The following MYO5A variants were observed in gnomAD, a reference collection of about 807,000 sequenced individuals.
MYO5A encodes the protein myosin VA, also known as unconventional myosin-Va.
In MYO5A, 98 loss-of-function variants were observed where a neutral mutation model predicts 249.7. The ratio of observed to expected loss-of-function variants is 0.39; its 90% CI spans 0.33 to 0.46. MYO5A has a LOEUF of 0.46. MYO5A is among the 20% of genes least tolerant of loss of function. MYO5A has a pLI of 0.98. For missense variants in MYO5A, 1,696 were observed against 2,308.8 expected, an observed-to-expected ratio of 0.73 and a Z score of 5.44; for synonymous variants, 778 against 810.6, an observed-to-expected ratio of 0.96 and a Z score of 0.68.
intron 1 of MYO5A, among the ~76,000 whole-genome samples, chr15:52,465,953 A>C (rs911097201): frequency 2.6e-5 from 4 of 152,132 alleles, no homozygotes; most frequent in African/African-American, 9.7e-5. Context: ...CCGGCCAAAA[A>C]CCAGGAGTGA....
intron 1 of MYO5A, among the ~76,000 whole-genome samples, chr15:52,458,396 A>G (rs774613926): frequency 4.6e-5 from 7 of 152,168 alleles, no homozygotes; most frequent in African/African-American, 7.2e-5. Context: ...GGCTGGTGAC[A>G]TGGTGAAACC....
At chr15:52,374,529 CCTGGAT>C (rs1202182698) in intron 20 of MYO5A, among the ~76,000 whole-genome samples, 1 of 152,246 alleles carries the variant, frequency 6.6e-6, no homozygotes. Flanking sequence ...GGAGGATTAT[CCTGGAT>C]CACATGGGTG....
At chr15:52,349,081 G>T (rs2039809865) in intron 28 of MYO5A, among the ~76,000 whole-genome samples, 1 of 152,086 alleles carries the variant, frequency 6.6e-6, no homozygotes, top group South Asian at 2.1e-4. Flanking sequence ...TTTTAAAATT[G>T]TTTTGATTTT....
chr15:52,505,188 C>T (rs975297834), intron 1 of MYO5A: 9 of 763,998 alleles, frequency 1.2e-5, no homozygotes, highest in Admixed American at 5.2e-5. Flanking sequence ...CAGCCAAAGC[C>T]ATGGGTTTTG....
At chr15:52,394,513 T>G (rs571820582) in intron 11 of MYO5A, among the ~76,000 whole-genome samples, 23 of 152,140 alleles carry the variant, frequency 1.5e-4, no homozygotes, top group African/African-American at 5.3e-4. Flanking sequence ...GTATACAGAC[T>G]AGAAGGAAAG....
At chr15:52,408,405 C>T (rs2043102639) in intron 6 of MYO5A, among the ~76,000 whole-genome samples, 1 of 151,726 alleles carries the variant, frequency 6.6e-6, no homozygotes, top group South Asian at 2.1e-4. Context: ...TGATATATGT[C>T]AACAATCATA....
chr15:52,420,881 C>T (rs567663219), intron 4 of MYO5A, among the ~76,000 whole-genome samples: 2 of 152,266 alleles, frequency 1.3e-5, no homozygotes, highest in African/African-American at 4.8e-5. Context: ...AGAAAGGCTT[C>T]AGAGTCTCAA....
chr15:52,382,026 C>T (rs1162837932), intron 16 of MYO5A, among the ~76,000 whole-genome samples: 1 of 151,994 alleles, frequency 6.6e-6, no homozygotes, highest in African/African-American at 2.4e-5. Flanking sequence ...CCTCAGCCTC[C>T]CGAGTAGCTG....
intron 9 of MYO5A, among the ~76,000 whole-genome samples, chr15:52,403,022 C>A (rs944900403): frequency 6.6e-6 from 1 of 152,138 alleles, no homozygotes; most frequent in Admixed American, 6.6e-5. Context: ...ATGGAAGGAA[C>A]TTCTGGACAT....
chr15:52,497,109 G>A (rs1165108273), intron 1 of MYO5A, among the ~76,000 whole-genome samples: 1 of 152,086 alleles, frequency 6.6e-6, no homozygotes, highest in African/African-American at 2.4e-5. Context: ...CTACAGGCAT[G>A]CACCACCATG....
At chr15:52,367,604 A>T (rs2040874599) in intron 22 of MYO5A, among the ~76,000 whole-genome samples, 1 of 152,162 alleles carries the variant, frequency 6.6e-6, no homozygotes, top group East Asian at 1.9e-4. Flanking sequence ...CCATGATTCA[A>T]GTGGGGAGAT....
In MYO5A at chr15:52,351,367, G is replaced by C; in HGVS notation, c.3736C>G (p.Arg1246Gly). The C allele has an allele frequency of 6.2e-7, 1 of 1,614,038 alleles. No individual in the cohort carries two copies. The highest frequency in any genetic ancestry group is 8.5e-7 in the Non-Finnish European group (1 of 1,179,976). ...EVTAPGAPAY[R>G]VLMEQLTSVS... ...GAGGTCAGCTGCTCCATGAGGACAC[G>C]GTAGGCAGGTGCACCTGGGGCGGTC... is the stretch of plus-strand genomic sequence containing the variant. Residue 1246 changes from arginine (R) to glycine (G), a missense_variant, in exon 28 of 42, where the codon CGT (arginine) becomes GGT (glycine). Physicochemically the swap from Arg to Gly is moderately radical, Grantham distance 125. Coordinates refer to ENST00000399233, the MANE Select transcript of MYO5A (RefSeq NM_001382347.1).
intron 1 of MYO5A, among the ~76,000 whole-genome samples, chr15:52,499,845 T>TC (rs2077117088): frequency 6.6e-6 from 1 of 152,170 alleles, no homozygotes; most frequent in Non-Finnish European, 1.5e-5. Flanking sequence ...TTGGGTATAT[T>TC]CCCAGAAGTG....
intron 1 of MYO5A, among the ~76,000 whole-genome samples, chr15:52,510,743 C>T (rs2077373132): frequency 6.6e-6 from 1 of 152,208 alleles, no homozygotes. Context: ...CACACCTGCT[C>T]CCCAGGTCTG....
At position 52,353,631 on chromosome 15, in the gene MYO5A, C is replaced by T. The variant is rs748726139; in HGVS notation, c.3595G>A (p.Ala1199Thr). ...TTGAGTGACTCATATTCCAGTTCTG[C>T]ACCTCTAATTTGTGGTCTTTCTTCT... ...KEEERPQIRG[A>T]ELEYESLKRQ... Residue 1199 changes from alanine to threonine, a missense_variant, in exon 27 of 42, where the codon GCA becomes ACA. By Grantham distance (58) the Ala-to-Thr change is moderately conservative (BLOSUM62 0). Transcript: ENST00000399233. 1.2e-6 allele frequency: 2 copies of T among 1,613,990 alleles called. No homozygotes were observed. Among genetic ancestry groups the T allele is most frequent in the South Asian group, 2.2e-5 (2 of 91,080 alleles).
intron 1 of MYO5A, among the ~76,000 whole-genome samples, chr15:52,462,674 C>T (rs1441220194): frequency 6.6e-6 from 1 of 151,920 alleles, no homozygotes. Context: ...ATGGTGAAAC[C>T]CCATCTCTAC....
At chr15:52,489,435 G>A (rs960258535) in intron 1 of MYO5A, among the ~76,000 whole-genome samples, 2 of 151,966 alleles carry the variant, frequency 1.3e-5, no homozygotes, top group Non-Finnish European at 2.9e-5. Flanking sequence ...GTGGTGGCAC[G>A]CACCTGTAGT....
At chr15:52,322,331 C>T (rs190852225) in intron 37 of MYO5A, among the ~76,000 whole-genome samples, 116 of 152,358 alleles carry the variant, frequency 7.6e-4, no homozygotes, top group Non-Finnish European at 1.3e-3. Flanking sequence ...CCATCATCTG[C>T]CTGTCAGTGC....
At chr15:52,466,262 G>A (rs1029392779) in intron 1 of MYO5A, among the ~76,000 whole-genome samples, 3 of 152,168 alleles carry the variant, frequency 2.0e-5, no homozygotes, top group African/African-American at 7.2e-5. Flanking sequence ...GACTCAGGCT[G>A]GGGCTTGGGG....
Sources: allele counts gnomAD v4.1 joint callset (sites outside exome capture counted in the v4.1 genomes callset), GRCh38; gene constraint gnomAD v4.1.1; transcripts MANE v1.5; gene names NCBI Gene and HGNC (gene_info 2026-07-23, HGNC 2026-07-21).